LDLRAD3: variants seen among roughly 807,000 people sequenced by gnomAD.
LDLRAD3 encodes the protein low-density lipoprotein receptor class A domain-containing protein 3.
Under a neutral mutation model 29.4 loss-of-function variants are expected in LDLRAD3, and 20 were observed. That is an observed-to-expected ratio of 0.68 (90% CI 0.48 to 0.99). The LOEUF (loss-of-function observed/expected upper bound fraction) is 0.99, where lower values mean the gene tolerates loss of function less well. LDLRAD3 is among the 50% of genes least tolerant of loss of function. The pLI, the probability that LDLRAD3 is intolerant of heterozygous loss-of-function variation, is 0.00. For synonymous variants in LDLRAD3, 157 were observed against 192.7 expected (o/e 0.81, Z 1.53); for missense variants, 420 against 454.3 (o/e 0.92, Z 0.69).
At chr11:36,148,197 T>C (rs1240338438) in intron 4 of LDLRAD3, among the ~76,000 whole-genome samples, 1 of 152,170 alleles carries the variant, frequency 6.6e-6, no homozygotes, top group African/African-American at 2.4e-5. Context: ...TCTGTTTTTC[T>C]TATTAAATAA....
At chr11:36,043,022 T>A (rs950599367) in intron 2 of LDLRAD3, among the ~76,000 whole-genome samples, 3 of 151,344 alleles carry the variant, frequency 2.0e-5, no homozygotes, top group Non-Finnish European at 4.4e-5. Flanking sequence ...AAAAAAAAAA[T>A]TATTATAGGC....
rs72940729 is a variant in LDLRAD3 at position 35,999,144 on chromosome 11, T to C, written c.47-36959T>C. Among the ~76,000 whole-genome samples the C allele has an allele frequency of 5.2e-3, 788 of 152,328 alleles. 4 individuals carry two copies. Among genetic ancestry groups the C allele is most frequent in the Non-Finnish European group, 9.2e-3 (627 of 68,026 alleles). On this transcript the variant is annotated intron_variant, in intron 1 of 5. Transcript: ENST00000315571. ...GTGCAAAAAGCCCTGTGCTTGGTATTGCACGGGAGACAGGTTAGTGGCAGA... is the reference window on the plus strand; with the variant it reads ...GTGCAAAAAGCCCTGTGCTTGGTATCGCACGGGAGACAGGTTAGTGGCAGA...
chr11:36,115,526 C>T (rs543577858), intron 4 of LDLRAD3, among the ~76,000 whole-genome samples: 28 of 152,304 alleles, frequency 1.8e-4, no homozygotes, highest in African/African-American at 6.7e-4. Flanking sequence ...TGTTCCTGAA[C>T]TCTGTCAAAG....
chr11:36,178,957 C>T (rs1015957034), intron 4 of LDLRAD3, among the ~76,000 whole-genome samples: 2 of 152,136 alleles, frequency 1.3e-5, no homozygotes, highest in African/African-American at 4.8e-5. Context: ...GCCTTGTTAC[C>T]CAGAGTATGG....
At chr11:36,134,452 C>G (rs1029760854) in intron 4 of LDLRAD3, among the ~76,000 whole-genome samples, 2 of 152,160 alleles carry the variant, frequency 1.3e-5, no homozygotes, top group Non-Finnish European at 2.9e-5. Flanking sequence ...TCCATAGGGT[C>G]TGCAGCATTT....
chr11:36,109,334 C>A (rs754846690), intron 4 of LDLRAD3, among the ~76,000 whole-genome samples: 8 of 151,048 alleles, frequency 5.3e-5, no homozygotes, highest in Admixed American at 3.3e-4. Flanking sequence ...CTCCCATGGG[C>A]CGTGGGAAGC....
chr11:36,032,115 G>T (rs1053608652), intron 1 of LDLRAD3, among the ~76,000 whole-genome samples: 1 of 152,160 alleles, frequency 6.6e-6, no homozygotes, highest in Non-Finnish European at 1.5e-5. Context: ...CCACCCTAAT[G>T]CCATTGTTTT....
In LDLRAD3 at chr11:36,231,902, GTTTTA is replaced by G. The variant is rs1855581116; in HGVS notation, c.*2511_*2515del. On this transcript the variant is annotated 3_prime_UTR_variant, in exon 6 of 6. Coordinates refer to ENST00000315571, the MANE Select transcript of LDLRAD3 (RefSeq NM_174902.4). The stretch of plus-strand genomic sequence containing the variant: ...TCTTTTTTTCTCAAATGAGATCCGT[GTTTTA>G]TTTTAGCATTAAATTAGTTACACTG... 1 of 151,994 alleles carries G rather than the reference GTTTTA, an allele frequency of 6.6e-6. No homozygotes were observed. The highest frequency in any genetic ancestry group is 1.5e-5 in the Non-Finnish European group (1 of 67,982). The allele number at this position is 151,994 out of a possible 1,614,324, so 9.4% of individuals were successfully genotyped here.
intron 4 of LDLRAD3, among the ~76,000 whole-genome samples, chr11:36,216,102 G>C (rs11605927): frequency 0.066 from 10,093 of 152,220 alleles, 429 homozygotes; most frequent in East Asian, 0.18. Context: ...TGATGATGCC[G>C]AACCTTAACT....
At chr11:36,215,551 G>C (rs1024233837) in intron 4 of LDLRAD3, among the ~76,000 whole-genome samples, 1 of 152,082 alleles carries the variant, frequency 6.6e-6, no homozygotes, top group African/African-American at 2.4e-5. Context: ...CTCCCCTTTC[G>C]GGCATGCTCA....
At chr11:36,121,119 C>T (rs965446784) in intron 4 of LDLRAD3, among the ~76,000 whole-genome samples, 1 of 152,182 alleles carries the variant, frequency 6.6e-6, no homozygotes. Flanking sequence ...GCATCATAGA[C>T]ACTCAATAAC....
intron 4 of LDLRAD3, among the ~76,000 whole-genome samples, chr11:36,145,364 C>T (rs1854172674): frequency 2.0e-5 from 2 of 100,424 alleles, no homozygotes; most frequent in African/African-American, 4.7e-5. Context: ...GGCCAGCCGC[C>T]CCGTCTGGGA....
At chr11:35,976,082 T>C (rs749371213) in intron 1 of LDLRAD3, among the ~76,000 whole-genome samples, 2 of 150,604 alleles carry the variant, frequency 1.3e-5, no homozygotes, top group Non-Finnish European at 3.0e-5. Flanking sequence ...TTCCTAGGAG[T>C]GTAGGGTGCT....
At chr11:36,219,671 C>A (rs1855401693) in intron 4 of LDLRAD3, among the ~76,000 whole-genome samples, 1 of 152,174 alleles carries the variant, frequency 6.6e-6, no homozygotes, top group Non-Finnish European at 1.5e-5. Context: ...GGATCATAGA[C>A]ATAAATGTAG....
intron 1 of LDLRAD3, among the ~76,000 whole-genome samples, chr11:35,950,709 G>T (rs1258093887): frequency 1.3e-5 from 2 of 152,088 alleles, no homozygotes; most frequent in African/African-American, 2.4e-5. Context: ...TTCATTGAAG[G>T]TTTACTCTGT....
chr11:35,944,166 G>A lies in LDLRAD3; in HGVS notation c.46+22G>A, dbSNP rs2133933940. 3.9e-6 allele frequency: 4 copies of A among 1,015,712 alleles called. No individual in the cohort carries two copies. The highest frequency in any genetic ancestry group is 4.8e-4 in the Middle Eastern group (1 of 2,086). 62.9% of individuals were successfully genotyped at this position (1,015,712 alleles called of 1,614,324 possible). A position where few individuals can be genotyped will look rare whatever the true frequency, so the allele number is the denominator to read the frequency against. On this transcript the variant is annotated intron_variant, in intron 1 of 5. Transcript: ENST00000315571. The surrounding 1 kb of genome is among the most constrained non-coding windows in gnomAD (Gnocchi z 4.9). ...GCGGGTGAGTCGGGGGGCGGCCGGC[G>A]AACTTCCCGCGGGGCGCGGGGCGCG...
intron 4 of LDLRAD3, among the ~76,000 whole-genome samples, chr11:36,185,532 G>A (rs1186917000): frequency 2.0e-5 from 3 of 152,170 alleles, no homozygotes; most frequent in African/African-American, 7.2e-5. Flanking sequence ...GTTCACCACT[G>A]AGACTGATAA....
Position 36,125,263 on chromosome 11 carries a change from G to A in LDLRAD3, c.454+26802G>A, listed in dbSNP as rs182208764. On this transcript the variant is annotated intron_variant, in intron 4 of 5. Coordinates refer to ENST00000315571, the MANE Select transcript of LDLRAD3 (RefSeq NM_174902.4). ...TACACAGAGGCAGTAGAGTGCATTA[G>A]AGCATGGTCTCTGAAAGCAACTTCC... is the stretch of plus-strand genomic sequence containing the variant. Among the ~76,000 whole-genome samples the A allele has an allele frequency of 1.7e-3, 253 of 152,260 alleles. 1 individual carries two copies. The highest frequency in any genetic ancestry group is 5.6e-3 in the African/African-American group (234 of 41,556).
At chr11:36,096,176 A>G (rs1199427164) in intron 3 of LDLRAD3, among the ~76,000 whole-genome samples, 1 of 152,190 alleles carries the variant, frequency 6.6e-6, no homozygotes, top group Non-Finnish European at 1.5e-5. Flanking sequence ...TGACCTTTCA[A>G]ATCAAACTTT....
Sources: allele counts gnomAD v4.1 joint callset (sites outside exome capture counted in the v4.1 genomes callset), GRCh38; gene constraint gnomAD v4.1.1; non-coding constraint Gnocchi (gnomAD v3.1); transcripts MANE v1.5; gene names NCBI Gene and HGNC (gene_info 2026-07-23, HGNC 2026-07-21).